The following APBB2 variants were observed in gnomAD, a reference collection of about 807,000 sequenced individuals.
APBB2 encodes amyloid beta precursor protein binding family B member 2.
APBB2 carries 38 observed loss-of-function variants against 82.5 expected under a neutral mutation model. The observed-to-expected ratio is 0.46, with a 90% CI of 0.36 to 0.60. The LOEUF (loss-of-function observed/expected upper bound fraction) is 0.60. Among genes scored for constraint, APBB2 ranks in the 20% least tolerant of loss-of-function variants. The probability of loss-of-function intolerance (pLI) is 0.00; values close to 1 mark genes in which losing one functional copy is unlikely to be tolerated. For missense variants in APBB2, 772 were observed against 972.3 expected, an observed-to-expected ratio of 0.79 and a Z score of 2.74; for synonymous variants, 341 against 368.2, an observed-to-expected ratio of 0.93 and a Z score of 0.85.
At chr4:40,886,226 C>T (rs1770214264) in intron 12 of APBB2, among the ~76,000 whole-genome samples, 1 of 152,218 alleles carries the variant, frequency 6.6e-6, no homozygotes, top group Non-Finnish European at 1.5e-5. Context: ...CGCCTGTAAT[C>T]CCGGCACTTT....
intron 10 of APBB2, among the ~76,000 whole-genome samples, chr4:40,920,711 A>G (rs1781042348): frequency 6.6e-6 from 1 of 152,150 alleles, no homozygotes; most frequent in South Asian, 2.1e-4. Context: ...ATCTCTACTA[A>G]AAATATAAAA....
chr4:40,871,233 C>T (rs1361230142), intron 12 of APBB2, among the ~76,000 whole-genome samples: 2 of 152,200 alleles, frequency 1.3e-5, no homozygotes, highest in African/African-American at 2.4e-5. Context: ...CCTCCACCTC[C>T]TGGGTTCAAG....
At chr4:40,870,060 A>T (rs1765056204) in intron 12 of APBB2, among the ~76,000 whole-genome samples, 1 of 152,126 alleles carries the variant, frequency 6.6e-6, no homozygotes, top group African/African-American at 2.4e-5. Flanking sequence ...GTTATACATC[A>T]TTTTGGGGGA....
intron 1 of APBB2, among the ~76,000 whole-genome samples, chr4:41,154,599 G>A (rs1294585058): frequency 1.3e-5 from 2 of 152,108 alleles, no homozygotes; most frequent in African/African-American, 4.8e-5. Flanking sequence ...CCTGAAATGT[G>A]TAAAACCAAG....
At chr4:40,869,847 A>AGTATATTG (rs1764990147) in intron 12 of APBB2, among the ~76,000 whole-genome samples, 1 of 152,108 alleles carries the variant, frequency 6.6e-6, no homozygotes, top group Admixed American at 6.6e-5. Context: ...CTAAATACCT[A>AGTATATTG]GTATTTAGTA....
At chr4:40,840,658 C>T (rs150088899) in intron 12 of APBB2, among the ~76,000 whole-genome samples, 49 of 152,256 alleles carry the variant, frequency 3.2e-4, no homozygotes, top group East Asian at 1.9e-3. Flanking sequence ...CCCAGGTACT[C>T]GTCACCTGGG....
chr4:40,975,839 G>A (rs753367850), intron 6 of APBB2, among the ~76,000 whole-genome samples: 11 of 151,260 alleles, frequency 7.3e-5, no homozygotes, highest in Non-Finnish European at 1.5e-4. Context: ...TACAAAAACA[G>A]AGAACAAATT....
intron 17 of APBB2, among the ~76,000 whole-genome samples, chr4:40,820,432 G>A (rs1747452714): frequency 6.6e-6 from 1 of 152,182 alleles, no homozygotes; most frequent in African/African-American, 2.4e-5. Context: ...GGGAGGCTGA[G>A]GCGGGTGGAT....
intron 12 of APBB2, among the ~76,000 whole-genome samples, chr4:40,840,579 C>G (rs925711093): frequency 9.2e-5 from 14 of 152,264 alleles, no homozygotes; most frequent in African/African-American, 2.9e-4. Flanking sequence ...GCTTGGTAAG[C>G]TTAACTTACT....
chr4:40,825,324 C>A (rs1749513105), intron 15 of APBB2, among the ~76,000 whole-genome samples: 1 of 152,244 alleles, frequency 6.6e-6, no homozygotes, highest in Non-Finnish European at 1.5e-5. Context: ...CATCTTACAG[C>A]CCCCTTGGCA....
intron 1 of APBB2, among the ~76,000 whole-genome samples, chr4:41,161,684 A>G (rs1291075277): frequency 1.3e-5 from 2 of 152,212 alleles, no homozygotes; most frequent in Non-Finnish European, 2.9e-5. Flanking sequence ...CCAACTTCTT[A>G]TTTACTCAGG....
intron 10 of APBB2, among the ~76,000 whole-genome samples, chr4:40,927,945 G>A (rs1783051694): frequency 6.6e-6 from 1 of 152,180 alleles, no homozygotes; most frequent in African/African-American, 2.4e-5. Flanking sequence ...ATTGTAACTG[G>A]TTTTTATTTG....
chr4:40,942,649 G>T (rs376605284), intron 7 of APBB2, among the ~76,000 whole-genome samples: 6 of 152,108 alleles, frequency 3.9e-5, no homozygotes, highest in Admixed American at 1.3e-4. Context: ...GGGGCTGTTG[G>T]GGGGGAACAC....
intron 17 of APBB2, among the ~76,000 whole-genome samples, chr4:40,819,418 T>A (rs2437300): frequency 2.6e-5 from 4 of 151,582 alleles, no homozygotes; most frequent in Non-Finnish European, 5.9e-5. Context: ...CCTCCTGACC[T>A]CAAGTGATCC....
intron 6 of APBB2, among the ~76,000 whole-genome samples, chr4:40,950,823 A>G (rs1332681056): frequency 6.6e-6 from 1 of 152,154 alleles, no homozygotes; most frequent in Non-Finnish European, 1.5e-5. Context: ...AACTTGGGTG[A>G]CAGAGCAAGA....
chr4:41,050,114 TA>T (rs976670142), intron 4 of APBB2, among the ~76,000 whole-genome samples: 1 of 146,938 alleles, frequency 6.8e-6, no homozygotes. Flanking sequence ...GAATGATCAA[TA>T]AAAAAAAATA....
chr4:40,964,619 A>G (rs1014996765), intron 6 of APBB2, among the ~76,000 whole-genome samples: 1 of 152,094 alleles, frequency 6.6e-6, no homozygotes, highest in African/African-American at 2.4e-5. Context: ...TCACTCTACC[A>G]GGGGAAAGGT....
intron 10 of APBB2, among the ~76,000 whole-genome samples, chr4:40,904,213 T>C (rs1031987546): frequency 1.3e-5 from 2 of 152,142 alleles, no homozygotes; most frequent in Admixed American, 6.6e-5. Flanking sequence ...GGCAGATCAC[T>C]TGAGGTCAGG....
intron 5 of APBB2, among the ~76,000 whole-genome samples, chr4:41,032,500 T>C (rs1450688992): frequency 6.9e-6 from 1 of 145,198 alleles, no homozygotes; most frequent in East Asian, 2.1e-4. Flanking sequence ...CATTCAGTAT[T>C]GGGGGCGGGG....
Sources: allele counts gnomAD v4.1 joint callset (sites outside exome capture counted in the v4.1 genomes callset), GRCh38; gene constraint gnomAD v4.1.1; transcripts MANE v1.5; gene names NCBI Gene and HGNC (gene_info 2026-07-23, HGNC 2026-07-21).